The following VWA8 variants were observed in gnomAD, a reference collection of about 807,000 sequenced individuals.
VWA8 encodes von Willebrand factor A domain-containing protein 8.
A neutral mutation model predicts 241.5 loss-of-function variants in VWA8; 221 were observed. The observed-to-expected ratio is 0.91, with a 90% CI of 0.82 to 1.02. The LOEUF (loss-of-function observed/expected upper bound fraction) is 1.02, where lower values mean the gene tolerates loss of function less well. Among genes scored for constraint, VWA8 ranks in the 50% least tolerant of loss-of-function variants. The pLI, the probability that VWA8 is intolerant of heterozygous loss-of-function variation, is 0.00. For synonymous variants in VWA8, 852 were observed against 827.1 expected (o/e 1.03, Z -0.52); for missense variants, 2,322 against 2,328.7 (o/e 1.00, Z 0.06).
chr13:41,667,066 A>G (rs1245367963), intron 37 of VWA8, among the ~76,000 whole-genome samples: 1 of 152,236 alleles, frequency 6.6e-6, no homozygotes, highest in Non-Finnish European at 1.5e-5. Context: ...CCTTAAAAAG[A>G]ACAAAGAATT....
intron 4 of VWA8, among the ~76,000 whole-genome samples, chr13:41,904,884 T>A (rs893652109): frequency 1.3e-5 from 2 of 152,086 alleles, no homozygotes; most frequent in African/African-American, 2.4e-5. Flanking sequence ...ATCTACCCTT[T>A]CTAAAAGATA....
chr13:41,713,955 T>A (rs1174850183), intron 26 of VWA8, among the ~76,000 whole-genome samples: 3 of 151,994 alleles, frequency 2.0e-5, no homozygotes, highest in African/African-American at 7.2e-5. Flanking sequence ...ATCTCTTCTA[T>A]TATGTCAAAA....
chr13:41,693,003 A>G, intron 29 of VWA8, 31 bp from the exon 30 acceptor site: 2 of 1,461,672 alleles, frequency 1.4e-6, no homozygotes, highest in Admixed American at 2.1e-5. Flanking sequence ...GAAAAGCTCA[A>G]GATTTGTTCT....
At chr13:41,577,156 A>C (rs2044355553) in intron 42 of VWA8, among the ~76,000 whole-genome samples, 1 of 152,212 alleles carries the variant, frequency 6.6e-6, no homozygotes, top group African/African-American at 2.4e-5. Flanking sequence ...AACAGGCTTT[A>C]AAGGCCCTTT....
intron 17 of VWA8, among the ~76,000 whole-genome samples, chr13:41,798,273 C>A (rs1869793786): frequency 6.6e-6 from 1 of 151,998 alleles, no homozygotes; most frequent in Non-Finnish European, 1.5e-5. Context: ...TGCCTATTTC[C>A]TTTCTCACCG....
intron 37 of VWA8, among the ~76,000 whole-genome samples, chr13:41,640,295 A>G (rs1242475811): frequency 1.3e-5 from 2 of 152,196 alleles, no homozygotes; most frequent in Non-Finnish European, 2.9e-5. Context: ...CTCACATTAC[A>G]TAGACCATAA....
intron 12 of VWA8, among the ~76,000 whole-genome samples, chr13:41,843,075 T>C (rs1872130971): frequency 2.6e-5 from 4 of 152,208 alleles, no homozygotes; most frequent in Admixed American, 2.6e-4. Context: ...AGTACTATTG[T>C]TTACCAGAAA....
intron 29 of VWA8, among the ~76,000 whole-genome samples, chr13:41,695,125 G>A (rs1391770857): frequency 1.3e-5 from 2 of 152,156 alleles, no homozygotes; most frequent in African/African-American, 4.8e-5. Context: ...GGGGCAGGGA[G>A]GAGACGCGAG....
At chr13:41,701,701 CTTGCACTTATAA>C (rs1342468303) in intron 27 of VWA8, among the ~76,000 whole-genome samples, 171 bp from the exon 28 acceptor site, 11 of 152,228 alleles carry the variant, frequency 7.2e-5, no homozygotes, top group Admixed American at 7.2e-4. Flanking sequence ...GTATCACACA[CTTGCACTTATAA>C]ATGCTTTCAC....
intron 14 of VWA8, among the ~76,000 whole-genome samples, chr13:41,824,600 G>A (rs546269341): frequency 6.6e-6 from 1 of 152,142 alleles, no homozygotes; most frequent in Admixed American, 6.5e-5. Flanking sequence ...GGGTGAGGAG[G>A]GAGGACTGCT....
chr13:41,916,872 C>T (rs958718237), intron 2 of VWA8, among the ~76,000 whole-genome samples: 4 of 152,180 alleles, frequency 2.6e-5, no homozygotes, highest in Non-Finnish European at 4.4e-5. Flanking sequence ...AAACATAGCA[C>T]AGTACACGAG....
intron 12 of VWA8, among the ~76,000 whole-genome samples, chr13:41,858,124 A>T (rs757844997): frequency 2.0e-5 from 3 of 152,220 alleles, no homozygotes; most frequent in Non-Finnish European, 2.9e-5. Flanking sequence ...CAGATGGCAG[A>T]TCATGGGAGT....
intron 28 of VWA8, among the ~76,000 whole-genome samples, chr13:41,700,763 T>A (rs1265903896): frequency 2.6e-5 from 4 of 152,260 alleles, no homozygotes; most frequent in Non-Finnish European, 5.9e-5. Flanking sequence ...ATAGAACTTA[T>A]AGGCATAAAG....
At chr13:41,755,681 G>T (rs1052842554) in intron 21 of VWA8, among the ~76,000 whole-genome samples, 1 of 151,720 alleles carries the variant, frequency 6.6e-6, no homozygotes, top group Non-Finnish European at 1.5e-5. Flanking sequence ...AGTAAGGCAT[G>T]GTATCTCTAA....
At chr13:41,779,982 C>G (rs1868811853) in intron 19 of VWA8, among the ~76,000 whole-genome samples, 1 of 152,136 alleles carries the variant, frequency 6.6e-6, no homozygotes. Context: ...TAAAAGTCTC[C>G]TCTCCCAGTT....
chr13:41,888,039 C>A (rs1450763433), intron 5 of VWA8, among the ~76,000 whole-genome samples: 2 of 152,194 alleles, frequency 1.3e-5, no homozygotes, highest in African/African-American at 4.8e-5. Flanking sequence ...TTGATGTACA[C>A]TTTTACTAAA....
At chr13:41,912,009 T>C (rs752779337) in intron 3 of VWA8, 29 bp downstream of exon 3, 3 of 1,528,884 alleles carry the variant, frequency 2.0e-6, no homozygotes, top group Non-Finnish European at 1.8e-6. Context: ...GTTAAGACCC[T>C]TAGAAATTGA....
At chr13:41,856,755 C>A (rs762663728) in intron 12 of VWA8, among the ~76,000 whole-genome samples, 2 of 150,810 alleles carry the variant, frequency 1.3e-5, no homozygotes, top group Non-Finnish European at 1.5e-5. Flanking sequence ...GCCTGGAAGG[C>A]GGAGGTTGCA....
chr13:41,773,890 C>A (rs2137924015), intron 20 of VWA8, among the ~76,000 whole-genome samples: 1 of 152,254 alleles, frequency 6.6e-6, no homozygotes, highest in Middle Eastern at 3.4e-3. Context: ...TGCTGCCAGT[C>A]TCTGATCCTG....
Sources: allele counts gnomAD v4.1 joint callset (sites outside exome capture counted in the v4.1 genomes callset), GRCh38; gene constraint gnomAD v4.1.1; transcripts MANE v1.5; gene names NCBI Gene and HGNC (gene_info 2026-07-23, HGNC 2026-07-21).